The following TSPAN11 variants were observed in gnomAD, a reference collection of about 807,000 sequenced individuals.
TSPAN11 encodes tetraspanin 11.
TSPAN11 carries 29 observed loss-of-function variants against 32.9 expected under a neutral mutation model. The observed-to-expected ratio is 0.88, with a 90% CI of 0.66 to 1.20. TSPAN11 has a LOEUF of 1.20. Ranked by LOEUF, TSPAN11 falls within the 50% of genes most tolerant of loss-of-function variation. The pLI is 0.00. For missense variants in TSPAN11, 283 were observed against 329.1 expected, an observed-to-expected ratio of 0.86 and a Z score of 1.08; for synonymous variants, 140 against 141.3, an observed-to-expected ratio of 0.99 and a Z score of 0.07.
intron 2 of TSPAN11, among the ~76,000 whole-genome samples, chr12:30,959,351 A>G (rs1938563388): frequency 1.3e-5 from 2 of 152,142 alleles, no homozygotes; most frequent in Admixed American, 1.3e-4. Context: ...GAGGGTGTGT[A>G]GGAGTTCAAC....
chr12:30,987,749 G>T (rs1939227971), intron 7 of TSPAN11, among the ~76,000 whole-genome samples: 1 of 152,230 alleles, frequency 6.6e-6, no homozygotes, highest in African/African-American at 2.4e-5. Context: ...GGCAAGGGGA[G>T]TGTGGGGCCC....
At chr12:30,928,532 G>T (rs1448101468) in intron 1 of TSPAN11, among the ~76,000 whole-genome samples, 1 of 152,144 alleles carries the variant, frequency 6.6e-6, no homozygotes, top group Non-Finnish European at 1.5e-5. Flanking sequence ...TGGGTGGTTT[G>T]TCCACCCTCG....
intron 5 of TSPAN11, among the ~76,000 whole-genome samples, chr12:30,980,628 TG>T (rs1939070593): frequency 6.6e-6 from 1 of 151,488 alleles, no homozygotes; most frequent in African/African-American, 2.4e-5. Context: ...TGTGGGGAGC[TG>T]TGAGCCCCAG....
intron 3 of TSPAN11, among the ~76,000 whole-genome samples, chr12:30,968,682 G>T (rs1193560366): frequency 1.3e-5 from 2 of 152,224 alleles, no homozygotes; most frequent in Admixed American, 6.5e-5. Context: ...GAAGATCATG[G>T]TGGATGATTC....
At chr12:30,930,015 G>C (rs1240469722) in intron 1 of TSPAN11, among the ~76,000 whole-genome samples, 1 of 152,208 alleles carries the variant, frequency 6.6e-6, no homozygotes, top group Non-Finnish European at 1.5e-5. Flanking sequence ...TAGGTGGGTT[G>C]TTGAGGACGG....
At chr12:30,932,916 C>G (rs564444447) in intron 1 of TSPAN11, among the ~76,000 whole-genome samples, 2 of 152,290 alleles carry the variant, frequency 1.3e-5, no homozygotes, top group East Asian at 1.9e-4. Flanking sequence ...ATTCCTGATG[C>G]CTGGAAGGGA....
chr12:30,986,181 G>A (rs1939197540), intron 7 of TSPAN11, among the ~76,000 whole-genome samples: 1 of 152,146 alleles, frequency 6.6e-6, no homozygotes, highest in Non-Finnish European at 1.5e-5. Flanking sequence ...AGACCCCCAA[G>A]GCTCAGGAAA....
At chr12:30,947,039 C>T (rs1486003991) in intron 1 of TSPAN11, among the ~76,000 whole-genome samples, 3 of 152,162 alleles carry the variant, frequency 2.0e-5, no homozygotes, top group African/African-American at 7.2e-5. Context: ...AAGACACTCC[C>T]CAGAGCTCAG....
intron 7 of TSPAN11, among the ~76,000 whole-genome samples, chr12:30,984,967 C>T (rs56729910): frequency 0.032 from 4,814 of 152,232 alleles, 151 homozygotes; most frequent in East Asian, 0.19. Flanking sequence ...CTTTGCTTTC[C>T]CGAACTCCCT....
intron 2 of TSPAN11, among the ~76,000 whole-genome samples, chr12:30,959,361 C>T (rs1038135200): frequency 5.9e-5 from 9 of 152,030 alleles, no homozygotes. Flanking sequence ...AGGAGTTCAA[C>T]GGAAGAGAAA....
chr12:30,955,054 T>G (rs550615999), intron 2 of TSPAN11: 2 of 152,214 alleles, frequency 1.3e-5, no homozygotes, highest in Non-Finnish European at 2.9e-5. Flanking sequence ...TTCAGGGTCT[T>G]TCTTGCAGGG....
chr12:30,990,298 C>A (rs1252952692), intron 7 of TSPAN11, among the ~76,000 whole-genome samples: 2 of 152,186 alleles, frequency 1.3e-5, no homozygotes, highest in Non-Finnish European at 2.9e-5. Context: ...CCCTCCAGTC[C>A]TCCCCCAGCA....
chr12:30,960,713 T>C (rs1938594917), intron 2 of TSPAN11, among the ~76,000 whole-genome samples: 1 of 152,012 alleles, frequency 6.6e-6, no homozygotes, highest in Admixed American at 6.5e-5. Context: ...CAGGGCTTGC[T>C]GGCTAGTCGG....
At chr12:30,957,240 C>A (rs1021659213) in intron 2 of TSPAN11, among the ~76,000 whole-genome samples, 3 of 143,416 alleles carry the variant, frequency 2.1e-5, no homozygotes, top group South Asian at 4.7e-4. Flanking sequence ...CCCCCCCCCC[C>A]CCACACCATG....
At chr12:30,983,829 G>A (rs539196155) in intron 7 of TSPAN11, among the ~76,000 whole-genome samples, 16 of 152,222 alleles carry the variant, frequency 1.1e-4, no homozygotes, top group Non-Finnish European at 1.8e-4. Flanking sequence ...ATTATATAGG[G>A]GAGAATGTGC....
chr12:31,005,963 C>A, the TSPAN11 span: 12,083 of 153,122 alleles, frequency 0.079, 712 homozygotes, highest in South Asian at 0.2. Flanking sequence ...GTGGGAGTAG[C>A]CACTGGTGTG....
chr12:30,976,370 C>G (rs774233467), intron 3 of TSPAN11, among the ~76,000 whole-genome samples: 2 of 152,154 alleles, frequency 1.3e-5, no homozygotes, highest in Non-Finnish European at 2.9e-5. Context: ...CCACGTTTTT[C>G]TAATTTGCAC....
intron 1 of TSPAN11, among the ~76,000 whole-genome samples, chr12:30,928,350 T>C (rs1480144263): frequency 1.3e-5 from 2 of 152,122 alleles, no homozygotes; most frequent in Non-Finnish European, 2.9e-5. Flanking sequence ...GCCAGGGAGA[T>C]AGGAGATGAA....
intron 1 of TSPAN11, 42 bp downstream of exon 1, chr12:30,926,838 AG>A: frequency 1.2e-6 from 1 of 864,890 alleles, no homozygotes; most frequent in Non-Finnish European, 1.5e-6. Flanking sequence ...GCGCCGCGGG[AG>A]GGGGCTGGGG....
Sources: allele counts gnomAD v4.1 joint callset (sites outside exome capture counted in the v4.1 genomes callset), GRCh38; gene constraint gnomAD v4.1.1; transcripts MANE v1.5; gene names NCBI Gene and HGNC (gene_info 2026-07-23, HGNC 2026-07-21).